SYN1: variants seen among roughly 807,000 people sequenced by gnomAD.
The protein encoded by SYN1 is synapsin-1.
Under a neutral mutation model 44.6 loss-of-function variants are expected in SYN1, and 8 were observed. The ratio of observed to expected loss-of-function variants is 0.18; its 90% confidence interval spans 0.11 to 0.32. The LOEUF is 0.32. SYN1 is among the 10% of genes least tolerant of loss of function. The pLI, the probability that SYN1 is intolerant of heterozygous loss-of-function variation, is 1.00. For synonymous variants in SYN1, 275 were observed against 280.1 expected (o/e 0.98, Z 0.18); for missense variants, 451 against 639.4 (o/e 0.71, Z 3.18).
At position 47,590,369 on chromosome X, in the gene SYN1, C is replaced by T. The variant is rs1217662792; in HGVS notation, c.775-12868G>A. ...CTCCTCACCCTCAGGTCTCCCTCTG[C>T]ACCACCCTGGAACAAAAAGTCCCCA... is the stretch of plus-strand genomic sequence containing the variant. On this transcript the variant is annotated intron_variant, in intron 5 of 12. Coordinates refer to ENST00000295987, the MANE Select transcript of SYN1 (RefSeq NM_006950.3). Among the ~76,000 whole-genome samples the T allele has an allele frequency of 2.7e-5, 3 of 111,549 alleles. No individual in the cohort carries two copies. In the Admixed American group the frequency reaches 2.8e-4, roughly 11 times the overall value.
At chrX:47,589,321 T>TGC (rs2057839286) in intron 5 of SYN1, among the ~76,000 whole-genome samples, 1 of 94,309 alleles carries the variant, frequency 1.1e-5, no homozygotes, top group Non-Finnish European at 2.1e-5. Flanking sequence ...AGGCCGGGCA[T>TGC]GGTGGCTTAC....
At chrX:47,589,356 G>A (rs2057839534) in intron 5 of SYN1, among the ~76,000 whole-genome samples, 1 of 107,442 alleles carries the variant, frequency 9.3e-6, no homozygotes, top group Non-Finnish European at 1.9e-5. Context: ...CAATTTGGGA[G>A]GCCAAGGTGG....
intron 1 of SYN1, among the ~76,000 whole-genome samples, chrX:47,617,988 A>G (rs1026374829): frequency 3.6e-5 from 4 of 112,064 alleles, no homozygotes; most frequent in African/African-American, 1.3e-4. Context: ...GGGAGTGCAG[A>G]AAGTTGATCT....
chrX:47,609,244 C>G (rs1216031079), intron 1 of SYN1, among the ~76,000 whole-genome samples: 1 of 112,212 alleles, frequency 8.9e-6, no homozygotes, highest in Non-Finnish European at 1.9e-5. Flanking sequence ...CAGCTACTGA[C>G]AGCTCATGGC....
chrX:47,605,471 C>T, intron 3 of SYN1, 92 bp from the exon 4 acceptor site: 1 of 1,079,473 alleles, frequency 9.3e-7, no homozygotes, highest in Non-Finnish European at 1.3e-6. Flanking sequence ...CTCCATAGCT[C>T]CCAGAAATTG....
chrX:47,613,165 C>T (rs1266480602), intron 1 of SYN1, among the ~76,000 whole-genome samples: 2 of 104,242 alleles, frequency 1.9e-5, no homozygotes, highest in Admixed American at 1.0e-4. Flanking sequence ...AAGGGAGGAG[C>T]GAGGATCTTT....
chrX:47,595,315 C>G (rs1020736840), intron 5 of SYN1, among the ~76,000 whole-genome samples: 1 of 112,022 alleles, frequency 8.9e-6, no homozygotes, highest in African/African-American at 3.2e-5. Context: ...CTAATTGAAC[C>G]TGAGGAAGGG....
chrX:47,607,309 G>T, intron 1 of SYN1, 111 bp from the exon 2 acceptor site: 2 of 627,146 alleles, frequency 3.2e-6, no homozygotes, highest in South Asian at 2.7e-5. Flanking sequence ...ACCACAAAGT[G>T]CCTTATAATT....
At position 47,613,226 on chromosome X, in the gene SYN1, G is replaced by A. The variant is rs189849943; in HGVS notation, c.378-6028C>T. ...CAGCATCTGCCATGGCGCCATGGAA[G>A]TGACACTAGGCAACCAGGTAGACAG... On this transcript the variant is annotated intron_variant, in intron 1 of 12. Coordinates refer to ENST00000295987, the MANE Select transcript of SYN1 (RefSeq NM_006950.3). 1.5e-3 allele frequency among the ~76,000 whole-genome samples: 161 copies of A among 109,779 alleles called. 1 individual carries two copies. The highest frequency in any genetic ancestry group is 5.0e-3 in the African/African-American group (150 of 30,111).
intron 5 of SYN1, among the ~76,000 whole-genome samples, chrX:47,598,081 A>G (rs2057868905): frequency 8.9e-6 from 1 of 112,696 alleles, no homozygotes; most frequent in African/African-American, 3.2e-5. Context: ...ATGTAAATCT[A>G]CATAAAGAAA....
chrX:47,576,182 G>A lies in SYN1; in HGVS notation c.1107C>T (p.Ile369=), dbSNP rs150248483. 1.7e-3 allele frequency: 2,008 copies of A among 1,203,169 alleles called. 1 individual carries two copies. The highest frequency in any genetic ancestry group is 2.2e-3 in the Non-Finnish European group (1,946 of 891,638). Residue 369 remains isoleucine (I), a synonymous_variant, in exon 9 of 13, where the codon ATC becomes ATT. Coordinates refer to ENST00000295987, the MANE Select transcript of SYN1 (RefSeq NM_006950.3). ...TCSEIFGGLD[I]CAVEALHGKD... Reference sequence around the variant, plus strand: ...TGCCATGTAGCGCTTCCACTGCGCAGATGTCCAGTCCCCCAAAAATCTCTG... The same window carrying A: ...TGCCATGTAGCGCTTCCACTGCGCAAATGTCCAGTCCCCCAAAAATCTCTG...
chrX:47,593,050 T>G (rs950232607), intron 5 of SYN1, among the ~76,000 whole-genome samples: 2 of 108,650 alleles, frequency 1.8e-5, no homozygotes, highest in African/African-American at 6.8e-5. Context: ...AATTTTGTGT[T>G]TTTTTTGTTT....
At chrX:47,573,666 G>A (rs1291799358) in intron 12 of SYN1, among the ~76,000 whole-genome samples, 2 of 110,870 alleles carry the variant, frequency 1.8e-5, no homozygotes, top group African/African-American at 3.3e-5. Context: ...GGCAGGGAAG[G>A]CTCTGGGCTG....
At chrX:47,586,449 G>A in intron 5 of SYN1, 1 of 1,171,869 alleles carries the variant, frequency 8.5e-7, no homozygotes, top group Non-Finnish European at 1.1e-6. Context: ...GTTGAAAGCT[G>A]AGGAGAGGAA....
chrX:47,585,066 G>T, intron 5 of SYN1: 1 of 1,186,540 alleles, frequency 8.4e-7, no homozygotes, highest in South Asian at 1.8e-5. Flanking sequence ...TCTTCCTCCT[G>T]GTCAAAACAG....
chrX:47,607,576 A>G (rs1361068831), intron 1 of SYN1, among the ~76,000 whole-genome samples: 1 of 110,398 alleles, frequency 9.1e-6, no homozygotes, highest in Non-Finnish European at 1.9e-5. Context: ...ACAGCAAAGA[A>G]CCTTAGAAAA....
chrX:47,573,901 A>G (rs1603050132), intron 12 of SYN1, 101 bp downstream of exon 12: 2 of 790,925 alleles, frequency 2.5e-6, no homozygotes, highest in Non-Finnish European at 3.3e-6. Context: ...ACCCCTGCAT[A>G]GGACCTGGGT....
chrX:47,608,696 G>T (rs956782567), intron 1 of SYN1, among the ~76,000 whole-genome samples: 4 of 108,920 alleles, frequency 3.7e-5, no homozygotes, highest in African/African-American at 1.0e-4. Flanking sequence ...CATTGTCCCC[G>T]GGCCCGTCCC....
At chrX:47,575,889 C>T (rs1391324152) in intron 9 of SYN1, among the ~76,000 whole-genome samples, 2 of 112,090 alleles carry the variant, frequency 1.8e-5, no homozygotes, top group African/African-American at 6.5e-5. Flanking sequence ...CAAGATGTCT[C>T]GATTCGCAGA....
Sources: allele counts gnomAD v4.1 joint callset (sites outside exome capture counted in the v4.1 genomes callset), GRCh38; gene constraint gnomAD v4.1.1; transcripts MANE v1.5; gene names NCBI Gene and HGNC (gene_info 2026-07-23, HGNC 2026-07-21).